The following DIAPH2 variants were observed in gnomAD, a reference collection of about 807,000 sequenced individuals.
The protein encoded by DIAPH2 is diaphanous related formin 2.
Under a neutral mutation model 92.7 loss-of-function variants are expected in DIAPH2, and 35 were observed. That is an observed-to-expected ratio of 0.38 (90% CI 0.29 to 0.50). DIAPH2 has a LOEUF of 0.50. Among genes scored for constraint, DIAPH2 ranks in the 20% least tolerant of loss-of-function variants. The pLI is 0.94. For missense variants in DIAPH2, 701 were observed against 819.5 expected (o/e 0.86, Z 1.77); for synonymous variants, 301 against 280.4 (o/e 1.07, Z -0.73).
At position 96,896,915 on chromosome X, in the gene DIAPH2, T is replaced by C. The variant is rs1323945298; in HGVS notation, c.587+15197T>C. Reference sequence around the variant, plus strand: ...ATTTTTGTGTTGTTATTGCTTTAGATGGTTTATTTCACTATAATATAAGAA... The same window carrying C: ...ATTTTTGTGTTGTTATTGCTTTAGACGGTTTATTTCACTATAATATAAGAA... On this transcript the variant is annotated intron_variant, in intron 5 of 26. Transcript: ENST00000324765. Among the ~76,000 whole-genome samples the C allele has an allele frequency of 2.7e-5, 3 of 111,874 alleles. No homozygotes were observed. The East Asian group carries it at 8.4e-4, about 31-fold the overall frequency.
At chrX:97,218,586 C>T (rs1418149758) in intron 22 of DIAPH2, among the ~76,000 whole-genome samples, 1 of 109,949 alleles carries the variant, frequency 9.1e-6, no homozygotes, top group Non-Finnish European at 1.9e-5. Flanking sequence ...AAATCAAATA[C>T]TGCCTGCTAA....
At chrX:97,222,862 C>A (rs1438652168) in intron 22 of DIAPH2, among the ~76,000 whole-genome samples, 4 of 111,316 alleles carry the variant, frequency 3.6e-5, no homozygotes, top group Admixed American at 1.9e-4. Flanking sequence ...CACACTGTTA[C>A]CAAGGCTGGC....
chrX:96,956,815 T>C lies in DIAPH2; in HGVS notation c.1615-1013T>C, dbSNP rs2065813435. Among the ~76,000 whole-genome samples the C allele has an allele frequency of 3.6e-5, 4 of 112,087 alleles. 1 individual carries two copies. In the South Asian group the frequency reaches 1.1e-3, roughly 31 times the overall value. On this transcript the variant is annotated intron_variant, in intron 15 of 26. Transcript: ENST00000324765. ...CAAGTCTCTAGGAAGTTCCAAACTT[T>C]CCCACATTTTCCTGTCTACTTCTGA... is the stretch of plus-strand genomic sequence containing the variant.
At chrX:97,336,247 T>C (rs1004438854) in intron 23 of DIAPH2, among the ~76,000 whole-genome samples, 10 of 100,092 alleles carry the variant, frequency 1.0e-4, no homozygotes, top group Non-Finnish European at 1.6e-4. Context: ...TCTTTTCTTT[T>C]TTTTTTTTTT....
chrX:97,385,096 C>T (rs1442043858), intron 25 of DIAPH2, among the ~76,000 whole-genome samples: 2 of 110,449 alleles, frequency 1.8e-5, no homozygotes, highest in Non-Finnish European at 3.8e-5. Context: ...AGGAACAAAA[C>T]AAAACAAAAT....
intron 17 of DIAPH2, among the ~76,000 whole-genome samples, chrX:97,031,352 G>C (rs1260248188): frequency 1.0e-5 from 1 of 95,593 alleles, no homozygotes; most frequent in Non-Finnish European, 2.0e-5. Context: ...TGGGGCGGGA[G>C]GGGGGGGGAC....
At chrX:97,350,039 G>GGA (rs2069196981) in intron 24 of DIAPH2, among the ~76,000 whole-genome samples, 2 of 111,343 alleles carry the variant, frequency 1.8e-5, no homozygotes, top group Non-Finnish European at 3.8e-5. Flanking sequence ...GCTAGGCGCG[G>GGA]TGGCTCACAC....
chrX:96,685,093 G>T lies in DIAPH2; in HGVS notation c.35G>T (p.Gly12Val). The change falls in exon 1 of 27, where the codon GGA (glycine) becomes GTA (valine). Residue 12 changes from glycine (G) to valine (V), a missense_variant. Gly to Val is a moderately radical substitution (Grantham distance 109, BLOSUM62 -3). This residue lies in a region of DIAPH2 where 131 missense variants were observed against 145.6 expected (regional missense o/e 0.90). Transcript: ENST00000324765. ...EQPGAAASGA[G>V]GGSEEPGGGR... ...CCCGGGGCGGCGGCGTCGGGAGCGG[G>T]AGGCGGCAGCGAGGAACCCGGTGGG... 1 of 1,013,435 alleles carries T rather than the reference G, an allele frequency of 9.9e-7. No homozygotes were observed. Among genetic ancestry groups the T allele is most frequent in the East Asian group, 4.0e-5 (1 of 25,211 alleles). 83.5% of individuals were successfully genotyped at this position (1,013,435 alleles called of 1,213,427 possible). A position where few individuals can be genotyped will look rare whatever the true frequency, so the allele number is the denominator to read the frequency against.
intron 26 of DIAPH2, among the ~76,000 whole-genome samples, chrX:97,595,781 C>T (rs937894894): frequency 1.4e-4 from 15 of 110,870 alleles, no homozygotes; most frequent in South Asian, 3.8e-4. Context: ...TACAGGCATG[C>T]GCCACCATGC....
intron 3 of DIAPH2, 54 bp downstream of exon 3, chrX:96,738,816 G>A: frequency 2.0e-6 from 2 of 1,019,690 alleles, no homozygotes; most frequent in Non-Finnish European, 2.7e-6. Context: ...GCCCAGAATA[G>A]CACTGAGTTT....
At chrX:97,508,022 A>G (rs965604584) in intron 26 of DIAPH2, among the ~76,000 whole-genome samples, 1 of 111,409 alleles carries the variant, frequency 9.0e-6, no homozygotes, top group African/African-American at 3.3e-5. Flanking sequence ...ACTCAGTGCC[A>G]TGTCTCCATC....
intron 26 of DIAPH2, among the ~76,000 whole-genome samples, chrX:97,582,819 C>T (rs1181406008): frequency 1.8e-5 from 2 of 111,645 alleles, no homozygotes; most frequent in African/African-American, 3.3e-5. Context: ...ACCAATCAGA[C>T]GTAGATTTGG....
intron 26 of DIAPH2, among the ~76,000 whole-genome samples, chrX:97,453,588 G>A (rs1052940315): frequency 2.7e-5 from 3 of 111,318 alleles, no homozygotes; most frequent in Non-Finnish European, 5.7e-5. Context: ...TACCCCAAAG[G>A]AATATACTGT....
intron 26 of DIAPH2, among the ~76,000 whole-genome samples, chrX:97,554,925 AC>A (rs771475404): frequency 8.9e-6 from 1 of 112,028 alleles, no homozygotes; most frequent in East Asian, 2.8e-4. Flanking sequence ...AGTCTACTCT[AC>A]ACAGGTCTTC....
intron 23 of DIAPH2, among the ~76,000 whole-genome samples, chrX:97,285,383 C>CAAAAAAAAAAAAAAA (rs11336007): frequency 5.2e-5 from 2 of 38,105 alleles, no homozygotes; most frequent in Admixed American, 4.5e-4. Flanking sequence ...ACTAAAAATA[C>CAAAAAAAAAAAAAAA]AAAAAAAAAA....
At position 97,518,272 on chromosome X, in the gene DIAPH2, A is replaced by T. The variant is rs899147755; in HGVS notation, c.3242-80981A>T. On this transcript the variant is annotated intron_variant, in intron 26 of 26. Transcript: ENST00000324765. ...GGCAGTATGAGATAAACTTACATAA[A>T]CAGTGAGTTCTTGATTTTTATATTT... Among the ~76,000 whole-genome samples, 5 of 111,793 alleles carry T rather than the reference A, an allele frequency of 4.5e-5. No homozygotes were observed. In the South Asian group the frequency reaches 1.5e-3, roughly 34 times the overall value.
chrX:96,882,020 A>G (rs909602140), intron 5 of DIAPH2, among the ~76,000 whole-genome samples: 2 of 107,059 alleles, frequency 1.9e-5, no homozygotes, highest in African/African-American at 3.3e-5. Flanking sequence ...TTATTTATAA[A>G]GCAAATTAAG....
chrX:97,194,495 A>C (rs1215807171), intron 22 of DIAPH2, among the ~76,000 whole-genome samples: 4 of 109,845 alleles, frequency 3.6e-5, no homozygotes, highest in African/African-American at 1.0e-4. Flanking sequence ...TGTGTTAGCC[A>C]GGATGGTCTC....
chrX:97,497,538 G>T (rs1473395746), intron 26 of DIAPH2, among the ~76,000 whole-genome samples: 1 of 109,925 alleles, frequency 9.1e-6, no homozygotes, highest in Non-Finnish European at 1.9e-5. Context: ...AGGCACAGTG[G>T]CTCATGTCTG....
Sources: allele counts gnomAD v4.1 joint callset (sites outside exome capture counted in the v4.1 genomes callset), GRCh38; gene constraint gnomAD v4.1.1; regional missense constraint gnomAD v4.1.1; transcripts MANE v1.5; gene names NCBI Gene and HGNC (gene_info 2026-07-23, HGNC 2026-07-21).